Variants in APBA1 observed in about 807,000 individuals in gnomAD.
APBA1 encodes amyloid beta precursor protein binding family A member 1, also known as amyloid-beta A4 precursor protein-binding family A member 1.
APBA1 carries 55 observed loss-of-function variants against 86.6 expected under a neutral mutation model. That is an observed-to-expected ratio of 0.64 (90% CI 0.51 to 0.80). APBA1 has a LOEUF of 0.80. Ranked by LOEUF, APBA1 falls within the 30% of genes least tolerant of loss-of-function variation. APBA1 has a pLI of 0.00. For synonymous variants in APBA1, 511 were observed against 493.9 expected, an observed-to-expected ratio of 1.03 and a Z score of -0.46; for missense variants, 1,090 against 1,183.0, an observed-to-expected ratio of 0.92 and a Z score of 1.15.
chr9:69,519,792 T>A (rs1313753916), intron 1 of APBA1, among the ~76,000 whole-genome samples: 1 of 152,174 alleles, frequency 6.6e-6, no homozygotes, highest in Non-Finnish European at 1.5e-5. Flanking sequence ...TCTATTGACA[T>A]ATGTATTAAA....
At chr9:69,633,720 C>G (rs1823097368) in intron 1 of APBA1, among the ~76,000 whole-genome samples, 1 of 152,310 alleles carries the variant, frequency 6.6e-6, no homozygotes, top group Non-Finnish European at 1.5e-5. Context: ...TTCTCTAATA[C>G]TACTGCTCCT....
chr9:69,490,980 A>G (rs1835699946), intron 2 of APBA1, among the ~76,000 whole-genome samples: 1 of 152,136 alleles, frequency 6.6e-6, no homozygotes, highest in Non-Finnish European at 1.5e-5. Context: ...GATGTGGAGA[A>G]ATAGGAACAC....
At chr9:69,629,096 A>C (rs938798581) in intron 1 of APBA1, among the ~76,000 whole-genome samples, 3 of 152,114 alleles carry the variant, frequency 2.0e-5, no homozygotes, top group African/African-American at 7.2e-5. Flanking sequence ...ACTTCAGAAT[A>C]TGTGACCCCT....
intron 1 of APBA1, among the ~76,000 whole-genome samples, chr9:69,531,045 C>T (rs981690183): frequency 6.6e-6 from 1 of 151,906 alleles, no homozygotes; most frequent in Non-Finnish European, 1.5e-5. Context: ...CTAATATATT[C>T]AAAATATTAT....
chr9:69,666,165 T>G (rs1823836658), intron 1 of APBA1, among the ~76,000 whole-genome samples: 1 of 152,238 alleles, frequency 6.6e-6, no homozygotes. Flanking sequence ...CATTTTATTG[T>G]GAATTCCCTA....
chr9:69,517,168 C>T lies in APBA1; in HGVS notation c.43G>A (p.Glu15Lys). Reference protein sequence around the residue: ...EGSAEVEVTDEAAGGEVNESV... With the variant: ...EGSAEVEVTDKAAGGEVNESV... The stretch of plus-strand genomic sequence containing the variant: ...TCGTTCACCTCCCCACCTGCCGCCT[C>T]GTCGGTCACCTCCACCTCCGCAGAC... The change falls in exon 2 of 13, where the codon GAG becomes AAG. Residue 15 changes from glutamate (E) to lysine (K), a missense_variant. Transcript: ENST00000265381. 1 of 1,554,244 alleles carries T rather than the reference C, an allele frequency of 6.4e-7. No homozygotes were observed. Among genetic ancestry groups the T allele is most frequent in the Non-Finnish European group, 8.7e-7 (1 of 1,150,964 alleles).
chr9:69,615,512 G>A (rs562108078), intron 1 of APBA1, among the ~76,000 whole-genome samples: 1 of 151,744 alleles, frequency 6.6e-6, no homozygotes, highest in Admixed American at 6.5e-5. Context: ...GCCTTAGAGT[G>A]AGTGAGTAAA....
chr9:69,671,964 C>A (rs1023792620), intron 1 of APBA1, among the ~76,000 whole-genome samples, 189 bp downstream of exon 1: 1 of 152,244 alleles, frequency 6.6e-6, no homozygotes, highest in Non-Finnish European at 1.5e-5. Flanking sequence ...CCGCCTTCCC[C>A]CGCCTCGCTA....
At chr9:69,548,290 G>A (rs1324777976) in intron 1 of APBA1, among the ~76,000 whole-genome samples, 1 of 152,190 alleles carries the variant, frequency 6.6e-6, no homozygotes, top group Non-Finnish European at 1.5e-5. Context: ...CAACCTGAAT[G>A]AGTAAGAAAA....
chr9:69,655,410 A>G (rs2134019750), intron 1 of APBA1, among the ~76,000 whole-genome samples: 1 of 152,286 alleles, frequency 6.6e-6, no homozygotes, highest in Middle Eastern at 3.4e-3. Flanking sequence ...CAAAATCAAC[A>G]TGGAAAATTA....
chr9:69,505,301 T>A (rs1835940937), intron 2 of APBA1, among the ~76,000 whole-genome samples: 1 of 152,042 alleles, frequency 6.6e-6, no homozygotes, highest in Non-Finnish European at 1.5e-5. Context: ...GAAGAAAGCA[T>A]TGTCTTAGCT....
rs1426301501 is a variant in APBA1, at chr9:69,428,595, G to C, written c.*2732C>G. 1.3e-5 allele frequency: 2 copies of C among 152,186 alleles called. No individual in the cohort carries two copies. The highest frequency in any genetic ancestry group is 4.8e-5 in the African/African-American group (2 of 41,446). The allele number at this position is 152,186 out of a possible 1,614,324, so 9.4% of individuals were successfully genotyped here. A position where few individuals can be genotyped will look rare whatever the true frequency, so the allele number is the denominator to read the frequency against. ...CAGCTCTGTGCCCTCACAGCGTTTG[G>C]GAAGGCTGCCCTGTACATAGCCTTC... On this transcript the variant is annotated 3_prime_UTR_variant, in exon 13 of 13. Coordinates refer to ENST00000265381, the MANE Select transcript of APBA1 (RefSeq NM_001163.4).
chr9:69,592,023 G>A (rs568751864), intron 1 of APBA1, among the ~76,000 whole-genome samples: 1 of 152,184 alleles, frequency 6.6e-6, no homozygotes, highest in Non-Finnish European at 1.5e-5. Context: ...GACTTTGATA[G>A]GATGGGTGCT....
chr9:69,502,938 T>C (rs1169976497), intron 2 of APBA1, among the ~76,000 whole-genome samples: 2 of 152,154 alleles, frequency 1.3e-5, no homozygotes, highest in African/African-American at 2.4e-5. Context: ...TACCAATTAG[T>C]GATCTTCACC....
rs968251412 is a variant in APBA1 at position 69,486,851 on chromosome 9, AT to A, written c.1201-10709del. On this transcript the variant is annotated intron_variant, in intron 2 of 12. Coordinates refer to ENST00000265381, the MANE Select transcript of APBA1 (RefSeq NM_001163.4). ...CCTACTCTCTGCCCCGGGAGTAGAT[AT>A]TTTTTTTTTCTTCTTTTCTTTTTTT... 1.8e-3 allele frequency among the ~76,000 whole-genome samples: 268 copies of A among 148,228 alleles called. 3 individuals carry two copies. Among genetic ancestry groups the A allele is most frequent in the Admixed American group, 2.6e-3 (38 of 14,812 alleles).
intron 1 of APBA1, among the ~76,000 whole-genome samples, chr9:69,559,617 G>C (rs1035487768): frequency 1.3e-5 from 2 of 151,946 alleles, no homozygotes; most frequent in Admixed American, 1.3e-4. Context: ...TAGAATTCTG[G>C]GTCGACGGTT....
intron 1 of APBA1, among the ~76,000 whole-genome samples, chr9:69,662,049 C>T (rs937838710): frequency 6.6e-6 from 1 of 151,684 alleles, no homozygotes; most frequent in African/African-American, 2.4e-5. Context: ...CACACACACA[C>T]ACACACAGAC....
chr9:69,564,452 G>T (rs1312894732), intron 1 of APBA1, among the ~76,000 whole-genome samples: 5 of 152,160 alleles, frequency 3.3e-5, no homozygotes. Flanking sequence ...AGGTAGGCTG[G>T]ACATTGCTTT....
chr9:69,489,022 G>A (rs150617874), intron 2 of APBA1, among the ~76,000 whole-genome samples: 6,814 of 152,070 alleles, frequency 0.045, 541 homozygotes, highest in African/African-American at 0.15. Context: ...TGATGGATAG[G>A]AAGAATCAAT....
Sources: gnomAD v4.1 joint callset for allele counts (sites outside exome capture counted in the v4.1 genomes callset) on GRCh38, gnomAD v4.1.1 for gene constraint, MANE v1.5 for transcripts, NCBI Gene and HGNC (gene_info 2026-07-23, HGNC 2026-07-21) for gene names.